CDH12: variants seen among roughly 807,000 people sequenced by gnomAD.
The protein encoded by CDH12 is cadherin 12, also known as cadherin-12.
A neutral mutation model predicts 74.1 loss-of-function variants in CDH12; 41 were observed. The ratio of observed to expected loss-of-function variants is 0.55; its 90% CI spans 0.43 to 0.72. The LOEUF (loss-of-function observed/expected upper bound fraction) is 0.72. Ranked by LOEUF, CDH12 falls within the 30% of genes least tolerant of loss-of-function variation. The pLI, the probability that CDH12 is intolerant of heterozygous loss-of-function variation, is 0.00. For synonymous variants in CDH12, 399 were observed against 355.0 expected, an observed-to-expected ratio of 1.12 and a Z score of -1.39; for missense variants, 945 against 977.2, an observed-to-expected ratio of 0.97 and a Z score of 0.44.
At chr5:22,312,600 T>C (rs935405297) in intron 3 of CDH12, among the ~76,000 whole-genome samples, 2 of 152,224 alleles carry the variant, frequency 1.3e-5, no homozygotes, top group African/African-American at 4.8e-5. Context: ...ACTTAGATAG[T>C]CTCTTATCTG....
intron 8 of CDH12, among the ~76,000 whole-genome samples, chr5:21,830,412 G>T (rs1455871252): frequency 1.3e-5 from 2 of 151,906 alleles, no homozygotes; most frequent in Non-Finnish European, 2.9e-5. Context: ...TAGTTGTATT[G>T]ATTTACCTAA....
intron 6 of CDH12, among the ~76,000 whole-genome samples, chr5:21,897,536 A>T (rs1339540353): frequency 6.6e-6 from 1 of 152,186 alleles, no homozygotes; most frequent in African/African-American, 2.4e-5. Context: ...TTTCTGAGTT[A>T]CTCAAAATGA....
chr5:22,257,375 G>A (rs914959445), intron 3 of CDH12, among the ~76,000 whole-genome samples: 1 of 151,424 alleles, frequency 6.6e-6, no homozygotes, highest in African/African-American at 2.4e-5. Flanking sequence ...ATCGAGAAAA[G>A]CTTATATAAT....
intron 4 of CDH12, among the ~76,000 whole-genome samples, chr5:22,196,139 T>G (rs981208309): frequency 1.4e-5 from 2 of 145,954 alleles, no homozygotes; most frequent in Non-Finnish European, 3.0e-5. Context: ...CTATTCTATC[T>G]GCATGTAATT....
At chr5:21,883,356 T>A in intron 6 of CDH12, 1 of 1,531,054 alleles carries the variant, frequency 6.5e-7, no homozygotes, top group South Asian at 1.1e-5. Flanking sequence ...TAGTGTCCAG[T>A]CCATTGTACC....
chr5:22,228,518 T>C (rs1467372167), intron 3 of CDH12, among the ~76,000 whole-genome samples: 2 of 152,298 alleles, frequency 1.3e-5, no homozygotes, highest in East Asian at 3.9e-4. Context: ...TTTTCAGTTC[T>C]GACAAAAATA....
At chr5:22,451,228 G>A (rs545758310) in intron 2 of CDH12, among the ~76,000 whole-genome samples, 1 of 151,912 alleles carries the variant, frequency 6.6e-6, no homozygotes, top group South Asian at 2.1e-4. Context: ...CTAATATATA[G>A]AGAGTAAGTG....
At chr5:22,467,925 T>C (rs1229570250) in intron 2 of CDH12, among the ~76,000 whole-genome samples, 1 of 152,232 alleles carries the variant, frequency 6.6e-6, no homozygotes, top group African/African-American at 2.4e-5. Context: ...TAATGATTCA[T>C]AAGATTCTTA....
intron 2 of CDH12, among the ~76,000 whole-genome samples, chr5:22,415,822 T>C (rs1743359473): frequency 6.6e-6 from 1 of 152,108 alleles, no homozygotes; most frequent in Admixed American, 6.5e-5. Context: ...CATTTGGCAT[T>C]GGATTCAGGA....
intron 3 of CDH12, among the ~76,000 whole-genome samples, chr5:22,322,174 G>C (rs1320318211): frequency 7.3e-6 from 1 of 136,742 alleles, no homozygotes; most frequent in Non-Finnish European, 1.5e-5. Context: ...ACAATGGAAA[G>C]TATAAAGGCC....
At chr5:22,730,760 G>A (rs1039685061) in intron 1 of CDH12, among the ~76,000 whole-genome samples, 3 of 151,568 alleles carry the variant, frequency 2.0e-5, no homozygotes, top group African/African-American at 7.3e-5. Context: ...TAGGAAAAAT[G>A]ATTTTTTTAA....
chr5:22,519,281 C>T (rs11951188), intron 1 of CDH12, among the ~76,000 whole-genome samples: 6,558 of 152,128 alleles, frequency 0.043, 466 homozygotes, highest in African/African-American at 0.14. Flanking sequence ...ATATCTTCTT[C>T]ACCACCATTT....
chr5:22,787,120 C>T (rs373346491), intron 1 of CDH12, among the ~76,000 whole-genome samples: 67 of 151,546 alleles, frequency 4.4e-4, no homozygotes, highest in Admixed American at 1.4e-3. Context: ...TTCTTAGGAC[C>T]TCTAAAACAC....
At chr5:22,580,260 T>A (rs1236511744) in intron 1 of CDH12, 10 of 355,982 alleles carry the variant, frequency 2.8e-5, no homozygotes, top group South Asian at 2.0e-4. Context: ...ATGTCTCAGA[T>A]AATCATTCAA....
chr5:22,301,441 C>T (rs116667580), intron 3 of CDH12, among the ~76,000 whole-genome samples: 5 of 152,082 alleles, frequency 3.3e-5, no homozygotes, highest in Non-Finnish European at 5.9e-5. Context: ...ACTAAAGCAC[C>T]ACATGAGTAA....
intron 1 of CDH12, among the ~76,000 whole-genome samples, chr5:22,721,657 T>C (rs1448492552): frequency 2.6e-5 from 4 of 152,144 alleles, no homozygotes; most frequent in Non-Finnish European, 5.9e-5. Flanking sequence ...AGGGACAGAA[T>C]GATATGGTTT....
intron 2 of CDH12, among the ~76,000 whole-genome samples, chr5:22,470,439 C>A (rs1745911589): frequency 1.1e-5 from 1 of 92,262 alleles, no homozygotes; most frequent in South Asian, 3.2e-4. Flanking sequence ...TTGGTAGAAA[C>A]AGGGTCTCAC....
chr5:22,732,771 A>G (rs1744496437), intron 1 of CDH12, among the ~76,000 whole-genome samples: 1 of 151,806 alleles, frequency 6.6e-6, no homozygotes. Context: ...TATGGGGCAG[A>G]TTCTTCTTTG....
intron 5 of CDH12, among the ~76,000 whole-genome samples, chr5:21,984,509 A>T (rs551189616): frequency 3.3e-5 from 5 of 152,192 alleles, no homozygotes; most frequent in African/African-American, 1.2e-4. Flanking sequence ...CTCAGTGTAA[A>T]CACTCGCATG....
Sources: gnomAD v4.1 joint callset for allele counts (sites outside exome capture counted in the v4.1 genomes callset) on GRCh38, gnomAD v4.1.1 for gene constraint, MANE v1.5 for transcripts, NCBI Gene and HGNC (gene_info 2026-07-23, HGNC 2026-07-21) for gene names.